The following PPHLN1 variants were observed in gnomAD, a reference collection of about 807,000 sequenced individuals.
PPHLN1 encodes periphilin-1.
Under a neutral mutation model 51.3 loss-of-function variants are expected in PPHLN1, and 29 were observed. That is an observed-to-expected ratio of 0.57 (90% confidence interval 0.42 to 0.77). PPHLN1 has a LOEUF of 0.77. PPHLN1 is among the 30% of genes least tolerant of loss of function. PPHLN1 has a pLI of 0.00. For synonymous variants in PPHLN1, 147 were observed against 147.8 expected (o/e 0.99, Z 0.04); for missense variants, 436 against 438.4 (o/e 0.99, Z 0.05).
At chr12:42,408,947 C>T (rs67215543) in intron 9 of PPHLN1, among the ~76,000 whole-genome samples, 30,136 of 152,004 alleles carry the variant, frequency 0.2, 3,359 homozygotes, top group African/African-American at 0.3. Context: ...ACAGATAATA[C>T]TGAACCCAAT....
intron 3 of PPHLN1, among the ~76,000 whole-genome samples, chr12:42,354,766 G>A (rs936953002): frequency 6.6e-6 from 1 of 152,178 alleles, no homozygotes; most frequent in Non-Finnish European, 1.5e-5. Flanking sequence ...TGGGAAAGTA[G>A]CAAGTTTTTC....
At chr12:42,434,305 G>C (rs940684777) in intron 9 of PPHLN1, among the ~76,000 whole-genome samples, 8 of 152,174 alleles carry the variant, frequency 5.3e-5, no homozygotes, top group African/African-American at 1.9e-4. Context: ...GAGGGAGGGA[G>C]AGTATCAGGA....
intron 3 of PPHLN1, among the ~76,000 whole-genome samples, chr12:42,353,887 TTG>T (rs2073714605): frequency 6.6e-6 from 1 of 152,336 alleles, no homozygotes; most frequent in African/African-American, 2.4e-5. Context: ...TTGTTACCAA[TTG>T]TGTTTGTCTT....
intron 1 of PPHLN1, among the ~76,000 whole-genome samples, chr12:42,330,991 G>A (rs1218018962): frequency 6.6e-6 from 1 of 152,230 alleles, no homozygotes; most frequent in Non-Finnish European, 1.5e-5. Flanking sequence ...TTACAGGCGT[G>A]AGCCACCGTG....
At chr12:42,337,870 G>T (rs2070912967) in intron 2 of PPHLN1, among the ~76,000 whole-genome samples, 2 of 151,444 alleles carry the variant, frequency 1.3e-5, no homozygotes, top group Non-Finnish European at 2.9e-5. Context: ...TGCAACCTCT[G>T]TGTCCTGGAT....
At chr12:42,370,804 G>T (rs887462172) in intron 4 of PPHLN1, among the ~76,000 whole-genome samples, 1 of 152,054 alleles carries the variant, frequency 6.6e-6, no homozygotes, top group Non-Finnish European at 1.5e-5. Context: ...TGGACTCTTG[G>T]ACTGACAGAT....
At chr12:42,331,825 G>A (rs1478436730) in intron 1 of PPHLN1, 1 of 152,198 alleles carries the variant, frequency 6.6e-6, no homozygotes, top group Non-Finnish European at 1.5e-5. Context: ...ACTGATATGA[G>A]GAGATGTAGT....
intron 5 of PPHLN1, among the ~76,000 whole-genome samples, chr12:42,379,164 A>G (rs1054831802): frequency 6.6e-5 from 10 of 150,596 alleles, no homozygotes; most frequent in Non-Finnish European, 3.0e-5. Context: ...ACCCTTTGTC[A>G]TTTGCCTTTT....
intron 4 of PPHLN1, among the ~76,000 whole-genome samples, chr12:42,367,552 C>A (rs186621639): frequency 2.6e-4 from 40 of 151,914 alleles, no homozygotes; most frequent in Non-Finnish European, 5.3e-4. Context: ...GATCATTTGC[C>A]TATTTAATAG....
chr12:42,326,272 T>C (rs942140622), intron 1 of PPHLN1, 43 bp downstream of exon 1: 2 of 151,640 alleles, frequency 1.3e-5, no homozygotes, highest in Non-Finnish European at 2.9e-5. Flanking sequence ...GCAGAGCGTG[T>C]GCGGGCTGCT....
At chr12:42,444,438 A>G (rs1669886), downstream of PPHLN1, 88,721 of 145,452 alleles carry the variant, frequency 0.61, 27,298 homozygotes, top group Admixed American at 0.67. Flanking sequence ...CAACTAGATC[A>G]CATAGACCCA....
intron 9 of PPHLN1, chr12:42,433,152 A>G (rs369261122): frequency 1.1e-4 from 84 of 771,674 alleles, no homozygotes; most frequent in Non-Finnish European, 1.8e-4. Context: ...AGTATATTCA[A>G]TGACATAAAA....
chr12:42,401,132 C>T (rs369672432), intron 9 of PPHLN1, among the ~76,000 whole-genome samples: 13 of 152,102 alleles, frequency 8.5e-5, no homozygotes, highest in East Asian at 3.9e-4. Flanking sequence ...TACCAGTCAC[C>T]GTCAACCTTT....
At chr12:42,387,314 T>C in intron 6 of PPHLN1, 142 bp from the exon 7 acceptor site, 1 of 835,182 alleles carries the variant, frequency 1.2e-6, no homozygotes, top group South Asian at 2.2e-5. Context: ...TTTTAGATAT[T>C]AACCTATTTA....
At chr12:42,418,348 C>T (rs1217523550) in intron 9 of PPHLN1, among the ~76,000 whole-genome samples, 9 of 151,578 alleles carry the variant, frequency 5.9e-5, no homozygotes, top group African/African-American at 1.2e-4. Flanking sequence ...ACTCAGCCTC[C>T]GTAACCAAAT....
chr12:42,414,845 A>G (rs957411716), intron 9 of PPHLN1, among the ~76,000 whole-genome samples: 36 of 152,140 alleles, frequency 2.4e-4, no homozygotes, highest in African/African-American at 8.5e-4. Context: ...TCATTTCTAG[A>G]AGTTCAATTT....
At chr12:42,416,394 A>G (rs889455862) in intron 9 of PPHLN1, among the ~76,000 whole-genome samples, 4 of 152,184 alleles carry the variant, frequency 2.6e-5, no homozygotes, top group African/African-American at 9.7e-5. Flanking sequence ...GTGCAATTCA[A>G]TTCTGGCATT....
At chr12:42,436,853 C>A (rs1180390164) in intron 9 of PPHLN1, among the ~76,000 whole-genome samples, 1 of 152,200 alleles carries the variant, frequency 6.6e-6, no homozygotes, top group African/African-American at 2.4e-5. Flanking sequence ...CAGTTTAAAA[C>A]TTAAGGATTG....
intron 5 of PPHLN1, among the ~76,000 whole-genome samples, chr12:42,380,958 A>T (rs542688382): frequency 1.3e-5 from 2 of 152,330 alleles, no homozygotes; most frequent in African/African-American, 4.8e-5. Flanking sequence ...TTCTGAGTTT[A>T]TGATCTAGTC....
Sources: allele counts gnomAD v4.1 joint callset (sites outside exome capture counted in the v4.1 genomes callset), GRCh38; gene constraint gnomAD v4.1.1; transcripts MANE v1.5; gene names NCBI Gene and HGNC (gene_info 2026-07-23, HGNC 2026-07-21).